Variants in ZNF595 observed in about 807,000 individuals in gnomAD.
ZNF595 encodes the protein zinc finger protein 595.
ZNF595 carries 9 observed loss-of-function variants against 19.4 expected under a neutral mutation model. The ratio of observed to expected loss-of-function variants is 0.46; its 90% CI spans 0.28 to 0.81. ZNF595 has a LOEUF of 0.81. ZNF595 is among the 30% of genes least tolerant of loss of function. The pLI is 0.11. For synonymous variants in ZNF595, 255 were observed against 255.9 expected (o/e 1.00, Z 0.03); for missense variants, 729 against 736.0 (o/e 0.99, Z 0.11).
At chr4:75,153 T>A (rs1383499719) in intron 3 of ZNF595, among the ~76,000 whole-genome samples, 2 of 152,244 alleles carry the variant, frequency 1.3e-5, no homozygotes, top group South Asian at 4.1e-4. Flanking sequence ...TCCTTAACTC[T>A]AAGTCTCTTG....
chr4:86,873 T>C lies in ZNF595; in HGVS notation c.1369T>C (p.Cys457Arg). 1 of 1,611,990 alleles carries C rather than the reference T, an allele frequency of 6.2e-7. No homozygotes were observed. The change falls in exon 4 of 4, where the codon TGT (cysteine) becomes CGT (arginine). Residue 457 changes from cysteine to arginine, a missense_variant. By Grantham distance (180) the Cys-to-Arg change is radical. Around this residue, in one of 2 missense-constraint regions of ZNF595, gnomAD observed 729 missense variants for 675.3 expected, o/e 1.08. Coordinates refer to ENST00000610261, the MANE Select transcript of ZNF595 (RefSeq NM_182524.4). ...SGQKPYKCEE[C>R]GKAFTRSTTL... ...GCAAAAACCTTACAAATGTGAAGAA[T>C]GTGGCAAAGCCTTTACACGGTCCAC...
At chr4:84,204 C>T (rs1714041390) in intron 3 of ZNF595, among the ~76,000 whole-genome samples, 1 of 151,988 alleles carries the variant, frequency 6.6e-6, no homozygotes, top group African/African-American at 2.4e-5. Flanking sequence ...TTTTTATGCT[C>T]TTTAAAATTT....
intron 3 of ZNF595, among the ~76,000 whole-genome samples, chr4:78,329 T>C (rs959890865): frequency 1.1e-4 from 16 of 152,192 alleles, no homozygotes; most frequent in Non-Finnish European, 2.4e-4. Context: ...TCTTTCTGTT[T>C]GCCTGGTAAT....
intron 3 of ZNF595, among the ~76,000 whole-genome samples, chr4:61,111 A>C (rs1581322816): frequency 6.6e-6 from 1 of 152,246 alleles, no homozygotes; most frequent in Admixed American, 6.5e-5. Context: ...ATTGGATACC[A>C]CTGGTTTAAA....
intron 3 of ZNF595, among the ~76,000 whole-genome samples, chr4:77,579 C>G (rs143349816): frequency 1.3e-5 from 2 of 152,132 alleles, no homozygotes; most frequent in African/African-American, 4.8e-5. Flanking sequence ...CCTGTTTGAT[C>G]TCTGGGCTGA....
intron 3 of ZNF595, among the ~76,000 whole-genome samples, chr4:61,379 GC>G (rs1343993195): frequency 4.7e-4 from 71 of 151,846 alleles, no homozygotes; most frequent in African/African-American, 1.6e-3. Flanking sequence ...CAAGTGATCC[GC>G]CCACCTCTGC....
intron 3 of ZNF595, among the ~76,000 whole-genome samples, chr4:84,776 G>GT (rs1315275363): frequency 6.6e-6 from 1 of 151,846 alleles, no homozygotes; most frequent in African/African-American, 2.4e-5. Flanking sequence ...TCCACAATTT[G>GT]TTTTTTATAT....
intron 3 of ZNF595, among the ~76,000 whole-genome samples, chr4:65,167 A>G (rs1581329500): frequency 7.1e-6 from 1 of 141,542 alleles, no homozygotes; most frequent in Non-Finnish European, 1.5e-5. Context: ...TCGGTGCCCC[A>G]TTTCCTTGTC....
At chr4:80,184 G>A (rs937749631) in intron 3 of ZNF595, among the ~76,000 whole-genome samples, 12 of 152,078 alleles carry the variant, frequency 7.9e-5, no homozygotes, top group Admixed American at 2.0e-4. Context: ...CACCATGCCC[G>A]GCTAATTTTG....
In ZNF595 at chr4:81,476, C is replaced by T. The variant is rs75383339; in HGVS notation, c.227-4255C>T. On this transcript the variant is annotated intron_variant, in intron 3 of 3. Transcript: ENST00000610261. ...TATGTTTTTCTATGTGTGGGAGACA[C>T]ACTTTTGTGATTTGAAGATAATTTC... 3.7e-3 allele frequency among the ~76,000 whole-genome samples: 556 copies of T among 152,216 alleles called. 5 individuals carry two copies. Among genetic ancestry groups the T allele is most frequent in the African/African-American group, 0.013 (543 of 41,530 alleles).
In ZNF595 at chr4:86,793, G is replaced by T; in HGVS notation, c.1289G>T (p.Gly430Val). Residue 430 changes from glycine (G) to valine (V), a missense_variant, in exon 4 of 4, where the codon GGC becomes GTC. Gly to Val is a moderately radical substitution (Grantham distance 109). Around this residue, in one of 2 missense-constraint regions of ZNF595, gnomAD observed 729 missense variants for 675.3 expected, o/e 1.08. Transcript: ENST00000610261. ...GEKPYTCEEC[G>V]KAFNQSSTLI... ...AAACCCTACACGTGCGAAGAATGTG[G>T]CAAAGCTTTTAACCAATCCTCAACT... 6.2e-7 allele frequency: 1 copy of T among 1,613,804 alleles called. No individual in the cohort carries two copies. Among genetic ancestry groups the T allele is most frequent in the Non-Finnish European group, 8.5e-7 (1 of 1,179,894 alleles).
At position 86,803 on chromosome 4, in the gene ZNF595, T is replaced by C. The variant is rs1714210360; in HGVS notation, c.1299T>C (p.Phe433=). Residue 433 remains phenylalanine (F), a synonymous_variant, in exon 4 of 4, where the codon TTT becomes TTC. Coordinates refer to ENST00000610261, the MANE Select transcript of ZNF595 (RefSeq NM_182524.4). ...PYTCEECGKA[F]NQSSTLILHK... ...CGTGCGAAGAATGTGGCAAAGCTTT[T>C]AACCAATCCTCAACTCTTATATTAC... is the stretch of plus-strand genomic sequence containing the variant. The C allele has an allele frequency of 4.3e-6, 7 of 1,613,652 alleles. No homozygotes were observed. The highest frequency in any genetic ancestry group is 5.9e-6 in the Non-Finnish European group (7 of 1,179,882).
chr4:62,006 A>AT (rs1581324334), intron 3 of ZNF595, among the ~76,000 whole-genome samples: 3 of 120,010 alleles, frequency 2.5e-5, no homozygotes, highest in East Asian at 2.6e-4. Flanking sequence ...ATAGATAACC[A>AT]TTTTTTTTTT....
chr4:86,808 A>G lies in ZNF595; in HGVS notation c.1304A>G (p.Gln435Arg), dbSNP rs1714210979. 6 of 1,613,432 alleles carry G rather than the reference A, an allele frequency of 3.7e-6. No individual in the cohort carries two copies. In the East Asian group the frequency reaches 1.3e-4, roughly 36 times the overall value. ...GAAGAATGTGGCAAAGCTTTTAACC[A>G]ATCCTCAACTCTTATATTACACAAG... ...TCEECGKAFN[Q>R]SSTLILHKRI... is the part of the protein sequence containing the mutation. Residue 435 changes from glutamine (Q) to arginine (R), a missense_variant, in exon 4 of 4, where the codon CAA becomes CGA. Around this residue, in one of 2 missense-constraint regions of ZNF595, gnomAD observed 729 missense variants for 675.3 expected, o/e 1.08. Coordinates refer to ENST00000610261, the MANE Select transcript of ZNF595 (RefSeq NM_182524.4).
chr4:84,747 T>A (rs1714063255), intron 3 of ZNF595, among the ~76,000 whole-genome samples: 1 of 152,198 alleles, frequency 6.6e-6, no homozygotes, highest in Non-Finnish European at 1.5e-5. Context: ...TCTCACTCAT[T>A]ACTTTTGTAT....
chr4:81,332 G>A (rs1170180143), intron 3 of ZNF595, among the ~76,000 whole-genome samples: 2 of 152,098 alleles, frequency 1.3e-5, no homozygotes, highest in East Asian at 3.8e-4. Flanking sequence ...TATGCATATT[G>A]TTCCTTATTG....
At chr4:79,625 G>GCTTT (rs1465605141) in intron 3 of ZNF595, among the ~76,000 whole-genome samples, 1 of 148,212 alleles carries the variant, frequency 6.7e-6, no homozygotes, top group Non-Finnish European at 1.5e-5. Flanking sequence ...GCTTATTATA[G>GCTTT]CTTTATAGTA....
intron 3 of ZNF595, among the ~76,000 whole-genome samples, chr4:78,206 C>T (rs1248608892): frequency 6.6e-6 from 1 of 152,148 alleles, no homozygotes; most frequent in Non-Finnish European, 1.5e-5. Flanking sequence ...GATGGGGTTT[C>T]ACCGTGTTAG....
chr4:87,455 A>G lies in ZNF595; in HGVS notation c.*4A>G, dbSNP rs1714279399. The G allele has an allele frequency of 1.3e-6, 2 of 1,555,960 alleles. No individual in the cohort carries two copies. Among genetic ancestry groups the G allele is most frequent in the East Asian group, 2.3e-5 (1 of 44,294 alleles). The stretch of plus-strand genomic sequence containing the variant: ...TACTGGCAAGGAACATAGTTGAATG[A>G]CATTTCTAGTAATCTCTAATTCCAG... On this transcript the variant is annotated 3_prime_UTR_variant, in exon 4 of 4. Transcript: ENST00000610261.
Sources: gnomAD v4.1 joint callset for allele counts (sites outside exome capture counted in the v4.1 genomes callset) on GRCh38, gnomAD v4.1.1 for gene constraint, gnomAD v4.1.1 regional missense constraint, MANE v1.5 for transcripts, NCBI Gene and HGNC (gene_info 2026-07-23, HGNC 2026-07-21) for gene names.